Variants in IGSF10 observed in about 807,000 individuals in gnomAD.
IGSF10 encodes the protein immunoglobulin superfamily member 10, also known as calvaria mechanical force protein 608.
Under a neutral mutation model 128.2 loss-of-function variants are expected in IGSF10, and 126 were observed. That is an observed-to-expected ratio of 0.98 (90% confidence interval 0.85 to 1.14). The LOEUF is 1.14. IGSF10 is among the 50% of genes most tolerant of loss of function. IGSF10 has a pLI of 0.00. For synonymous variants in IGSF10, 1,185 were observed against 1,146.2 expected, an observed-to-expected ratio of 1.03 and a Z score of -0.68; for missense variants, 3,295 against 3,149.8, an observed-to-expected ratio of 1.05 and a Z score of -1.10.
chr3:151,441,521 G>C (rs1026902671), intron 7 of IGSF10, among the ~76,000 whole-genome samples: 1 of 152,042 alleles, frequency 6.6e-6, no homozygotes, highest in Non-Finnish European at 1.5e-5. Context: ...GTATCAACTC[G>C]TGTCATTAGA....
the IGSF10 span, among the ~76,000 whole-genome samples, chr3:151,481,443 C>A: frequency 1.6e-4 from 24 of 152,230 alleles, no homozygotes; most frequent in African/African-American, 5.3e-4. Flanking sequence ...TTGAAGCGGT[C>A]CTAAATTCAA....
chr3:151,475,300 G>A, the IGSF10 span, among the ~76,000 whole-genome samples: 12 of 152,172 alleles, frequency 7.9e-5, no homozygotes, highest in Non-Finnish European at 1.6e-4. Context: ...AAGTCTTTTC[G>A]ATTGTGAGAG....
the IGSF10 span, among the ~76,000 whole-genome samples, chr3:151,598,825 AG>A: frequency 1.3e-5 from 2 of 152,128 alleles, no homozygotes; most frequent in Non-Finnish European, 2.9e-5. Context: ...GTATCTAGTG[AG>A]TGGGTGATGG....
In IGSF10 at chr3:151,445,153, A is replaced by G; in HGVS notation, c.4828T>C (p.Trp1610Arg). The G allele has an allele frequency of 1.2e-6, 2 of 1,614,220 alleles. No individual in the cohort carries two copies. Among genetic ancestry groups the G allele is most frequent in the African/African-American group, 1.3e-5 (1 of 75,046 alleles). The change falls in exon 6 of 8, where the codon TGG becomes CGG. Residue 1610 changes from tryptophan (W) to arginine (R), a missense_variant. By Grantham distance (101) the Trp-to-Arg change is moderately radical. Transcript: ENST00000282466. ...LSEATTLVSD[W>R]DGQKNTKKSD... ...TTCTTTGTGTTCTTCTGTCCATCCC[A>G]ATCTGAAACAAGAGTGGTGGCCTCG...
the IGSF10 span, among the ~76,000 whole-genome samples, chr3:151,618,246 G>T: frequency 6.6e-6 from 1 of 152,026 alleles, no homozygotes; most frequent in Admixed American, 6.5e-5. Flanking sequence ...TAACTGAAGC[G>T]CTGGCACCTT....
the IGSF10 span, among the ~76,000 whole-genome samples, chr3:151,527,207 G>A: frequency 2.0e-5 from 3 of 152,100 alleles, no homozygotes; most frequent in African/African-American, 7.2e-5. Context: ...GCCTGGCTCT[G>A]GAAAATAGGA....
the IGSF10 span, among the ~76,000 whole-genome samples, chr3:151,561,798 C>G: frequency 6.6e-6 from 1 of 151,974 alleles, no homozygotes; most frequent in Non-Finnish European, 1.5e-5. Context: ...ATGTGGAAGG[C>G]AGAGGAGGAG....
At position 151,447,855 on chromosome 3, in the gene IGSF10, C is replaced by A. The variant is rs79636265; in HGVS notation, c.2126G>T (p.Gly709Val). 2.1e-4 allele frequency: 337 copies of A among 1,614,002 alleles called. 1 individual carries two copies. In the African/African-American group the frequency reaches 3.8e-3, roughly 18 times the overall value. ...RTSALMEAEV[G>V]KHTSSTSKRH... is the part of the protein sequence containing the mutation. ...CTTACTTGTGCTTGAGGTGTGTTTTCCAACCTCAGCCTCCATCAGAGCAGA... is the reference window on the plus strand; with the variant it reads ...CTTACTTGTGCTTGAGGTGTGTTTTACAACCTCAGCCTCCATCAGAGCAGA... Residue 709 changes from glycine (G) to valine (V), a missense_variant, in exon 6 of 8, where the codon GGA (glycine) becomes GTA (valine). Coordinates refer to ENST00000282466, the MANE Select transcript of IGSF10 (RefSeq NM_178822.5).
chr3:151,521,350 T>G, the IGSF10 span, among the ~76,000 whole-genome samples: 1 of 151,978 alleles, frequency 6.6e-6, no homozygotes, highest in East Asian at 1.9e-4. Flanking sequence ...AACTCAACAT[T>G]GGGCCAAATG....
At chr3:151,539,708 T>C in the IGSF10 span, among the ~76,000 whole-genome samples, 1 of 152,028 alleles carries the variant, frequency 6.6e-6, no homozygotes, top group Non-Finnish European at 1.5e-5. Context: ...TAGTGAAGAG[T>C]GATCCTTGAT....
chr3:151,467,740 C>G, the IGSF10 span, among the ~76,000 whole-genome samples: 1 of 151,652 alleles, frequency 6.6e-6, no homozygotes, highest in African/African-American at 2.4e-5. Flanking sequence ...AAAAATTAGC[C>G]GGGCGAGGTG....
chr3:151,538,292 T>C, the IGSF10 span, among the ~76,000 whole-genome samples: 8 of 152,238 alleles, frequency 5.3e-5, no homozygotes, highest in Admixed American at 5.2e-4. Flanking sequence ...CCACTCATTA[T>C]TGCTTAATAT....
At chr3:151,546,088 G>A in the IGSF10 span, among the ~76,000 whole-genome samples, 1 of 149,118 alleles carries the variant, frequency 6.7e-6, no homozygotes, top group African/African-American at 2.5e-5. Flanking sequence ...GCTCTGTACA[G>A]AAAGATATTG....
chr3:151,493,007 C>A, the IGSF10 span, among the ~76,000 whole-genome samples: 1 of 151,960 alleles, frequency 6.6e-6, no homozygotes, highest in Admixed American at 6.6e-5. Flanking sequence ...AGTGATCCTG[C>A]CACTTGCCAC....
chr3:151,439,139 T>C (rs578072579), intron 7 of IGSF10, among the ~76,000 whole-genome samples: 6 of 152,296 alleles, frequency 3.9e-5, no homozygotes, highest in South Asian at 4.1e-4. Context: ...GCTAGAAATA[T>C]GGGAGTTCTA....
chr3:151,455,852 T>A (rs963553029), intron 4 of IGSF10, among the ~76,000 whole-genome samples: 4 of 152,192 alleles, frequency 2.6e-5, no homozygotes, highest in African/African-American at 9.7e-5. Context: ...CAGTTGAACA[T>A]ACTCTCTCCC....
chr3:151,547,855 C>T, the IGSF10 span, among the ~76,000 whole-genome samples: 1 of 152,256 alleles, frequency 6.6e-6, no homozygotes, highest in East Asian at 1.9e-4. Context: ...AATGTATTTT[C>T]CTTCATATTT....
chr3:151,463,558 T>G (rs1722165374), upstream of IGSF10, among the ~76,000 whole-genome samples: 1 of 114,320 alleles, frequency 8.7e-6, no homozygotes, highest in South Asian at 2.8e-4. Context: ...TTTTTTTTTT[T>G]TTTCTGAGAC....
the IGSF10 span, among the ~76,000 whole-genome samples, chr3:151,538,077 G>A: frequency 3.4e-4 from 52 of 152,216 alleles, no homozygotes; most frequent in Admixed American, 3.3e-4. Context: ...AAAATTGTGG[G>A]ATTCTTAATA....
Sources: allele counts gnomAD v4.1 joint callset (sites outside exome capture counted in the v4.1 genomes callset), GRCh38; gene constraint gnomAD v4.1.1; transcripts MANE v1.5; gene names NCBI Gene and HGNC (gene_info 2026-07-23, HGNC 2026-07-21).